Variants in BOC observed in about 807,000 individuals in gnomAD.
BOC encodes brother of CDO.
A neutral mutation model predicts 112.0 loss-of-function variants in BOC; 76 were observed. The observed-to-expected ratio is 0.68, with a 90% confidence interval of 0.56 to 0.82. The LOEUF (loss-of-function observed/expected upper bound fraction) is 0.82, where lower values mean the gene tolerates loss of function less well. Among genes scored for constraint, BOC ranks in the 40% least tolerant of loss-of-function variants. The pLI is 0.00. For missense variants in BOC, 1,309 were observed against 1,511.7 expected, an observed-to-expected ratio of 0.87 and a Z score of 2.22; for synonymous variants, 580 against 599.8, an observed-to-expected ratio of 0.97 and a Z score of 0.48.
At position 113,278,626 on chromosome 3, in the gene BOC, C is replaced by T. The variant is rs907241417; in HGVS notation, c.1706-47C>T. 2 of 1,475,936 alleles carry T rather than the reference C, an allele frequency of 1.4e-6. No homozygotes were observed. Among genetic ancestry groups the T allele is most frequent in the Admixed American group, 2.0e-5 (1 of 50,862 alleles). 91.4% of individuals were successfully genotyped at this position (1,475,936 alleles called of 1,614,324 possible). On this transcript the variant is annotated intron_variant, in intron 10 of 19. Transcript: ENST00000682979. This position sits in a 1 kb window ranked among gnomAD's most constrained non-coding sequence, Gnocchi z 4.2. Reference sequence around the variant, plus strand: ...AAAAAGGACTCTGTGGGAGGGAGATCTCATGCCTGCTTCCTCCCTTGCTGA... The same window carrying T: ...AAAAAGGACTCTGTGGGAGGGAGATTTCATGCCTGCTTCCTCCCTTGCTGA...
intron 2 of BOC, among the ~76,000 whole-genome samples, chr3:113,233,338 T>G (rs1942969502): frequency 6.6e-6 from 1 of 152,110 alleles, no homozygotes; most frequent in Non-Finnish European, 1.5e-5. Flanking sequence ...GGTATAAATG[T>G]GGGCCTAGGG....
intron 2 of BOC, among the ~76,000 whole-genome samples, chr3:113,233,279 C>G (rs973555851): frequency 6.6e-6 from 1 of 151,658 alleles, no homozygotes; most frequent in Non-Finnish European, 1.5e-5. Context: ...GCCTGATCCT[C>G]ATTCAGTCCG....
chr3:113,252,229 T>C (rs1945721424), intron 4 of BOC, among the ~76,000 whole-genome samples: 1 of 152,058 alleles, frequency 6.6e-6, no homozygotes, highest in African/African-American at 2.4e-5. Flanking sequence ...GTGTAGAAAA[T>C]AGGGAAACTT....
chr3:113,222,799 C>G (rs1049865367), intron 2 of BOC, among the ~76,000 whole-genome samples: 1 of 152,204 alleles, frequency 6.6e-6, no homozygotes, highest in Non-Finnish European at 1.5e-5. Flanking sequence ...TCCACTTTGC[C>G]GCCCTCCTCC....
chr3:113,234,510 C>T (rs1943150024), intron 2 of BOC, among the ~76,000 whole-genome samples: 1 of 152,148 alleles, frequency 6.6e-6, no homozygotes, highest in Admixed American at 6.5e-5. Context: ...TTCTTGAGGC[C>T]ATGCTACATT....
At position 113,270,853 on chromosome 3, in the gene BOC, G is replaced by A; in HGVS notation, c.576G>A (p.Gln192=). 7 of 1,614,134 alleles carry A rather than the reference G, an allele frequency of 4.3e-6. No homozygotes were observed. Among genetic ancestry groups the A allele is most frequent in the Non-Finnish European group, 5.9e-6 (7 of 1,180,000 alleles). Residue 192 remains glutamine (Q), a synonymous_variant, in exon 6 of 20, where the codon CAG becomes CAA. Coordinates refer to ENST00000682979, the MANE Select transcript of BOC (RefSeq NM_001378074.1). ...ACCTCCAGATTGTGAATGCCAGCCA[G>A]GAGGACGAGGGCATGTACAAGTGTG... ...SGNLQIVNAS[Q]EDEGMYKCAA...
chr3:113,228,658 A>G (rs1284867028), intron 2 of BOC, among the ~76,000 whole-genome samples: 1 of 152,058 alleles, frequency 6.6e-6, no homozygotes, highest in Non-Finnish European at 1.5e-5. Context: ...ATGTTGGGGG[A>G]GTGGGGTCCA....
intron 4 of BOC, among the ~76,000 whole-genome samples, chr3:113,254,966 TG>T (rs1264600983): frequency 6.6e-6 from 1 of 152,166 alleles, no homozygotes; most frequent in African/African-American, 2.4e-5. Flanking sequence ...TCAAATCAAC[TG>T]AAGAGTCTCA....
intron 2 of BOC, among the ~76,000 whole-genome samples, chr3:113,249,464 G>A (rs1945339724): frequency 1.3e-5 from 2 of 152,186 alleles, no homozygotes; most frequent in Admixed American, 1.3e-4. Flanking sequence ...CCATCCACTG[G>A]GCAAGACTCC....
intron 2 of BOC, among the ~76,000 whole-genome samples, chr3:113,221,883 C>G (rs1225879197): frequency 2.6e-5 from 4 of 152,178 alleles, no homozygotes; most frequent in Non-Finnish European, 4.4e-5. Context: ...CCCTTCCCCC[C>G]TTGCCTACTC....
At chr3:113,277,119 T>C (rs1948745566) in intron 9 of BOC, among the ~76,000 whole-genome samples, 1 of 152,146 alleles carries the variant, frequency 6.6e-6, no homozygotes, top group South Asian at 2.1e-4. Context: ...AGTTTTTAAG[T>C]TCTGAGCAAG....
At chr3:113,256,894 G>A (rs1369950402) in intron 4 of BOC, among the ~76,000 whole-genome samples, 1 of 152,150 alleles carries the variant, frequency 6.6e-6, no homozygotes, top group African/African-American at 2.4e-5. Flanking sequence ...TGCAGTCTTA[G>A]GGTAAAAGCA....
At chr3:113,226,897 C>T (rs1295913850) in intron 2 of BOC, among the ~76,000 whole-genome samples, 2 of 152,200 alleles carry the variant, frequency 1.3e-5, no homozygotes, top group African/African-American at 4.8e-5. Context: ...GGCCTGAAGA[C>T]ATTTGTAGCC....
chr3:113,264,533 C>T (rs938593273), intron 4 of BOC, among the ~76,000 whole-genome samples: 1 of 152,192 alleles, frequency 6.6e-6, no homozygotes, highest in African/African-American at 2.4e-5. Context: ...ACCAGCTTTG[C>T]AGACAAAGGG....
At chr3:113,224,693 C>T (rs1367495168) in intron 2 of BOC, among the ~76,000 whole-genome samples, 2 of 152,150 alleles carry the variant, frequency 1.3e-5, no homozygotes, top group South Asian at 2.1e-4. Context: ...GGCACAGTGG[C>T]TCATGCCTGT....
chr3:113,241,393 G>GC (rs774655957), intron 2 of BOC, among the ~76,000 whole-genome samples: 11 of 152,098 alleles, frequency 7.2e-5, no homozygotes, highest in Admixed American at 3.9e-4. Flanking sequence ...AGTGTTCCTG[G>GC]CCCTGTGTGG....
chr3:113,256,531 C>T (rs1013102075), intron 4 of BOC, among the ~76,000 whole-genome samples: 6 of 152,174 alleles, frequency 3.9e-5, no homozygotes, highest in African/African-American at 1.4e-4. Context: ...CCCTGGCCTT[C>T]AGCATGGTGA....
rs946393947 is a variant in BOC at position 113,280,609 on chromosome 3, T to C, written c.2257T>C (p.Tyr753His). 16 of 1,612,812 alleles carry C rather than the reference T, an allele frequency of 9.9e-6. No homozygotes were observed. Among genetic ancestry groups the C allele is most frequent in the Non-Finnish European group, 1.4e-5 (16 of 1,178,890 alleles). ...CCCAATCCATGGCTTTTATATCTAT[T>C]ATCGACCCACAGACAGTGACAATGA... The part of the protein sequence containing the change: ...NTPIHGFYIY[Y>H]RPTDSDNDSD... The change falls in exon 14 of 20, where the codon TAT (tyrosine) becomes CAT (histidine). Residue 753 changes from tyrosine (Y) to histidine (H), a missense_variant. Transcript: ENST00000682979.
upstream of BOC, chr3:113,210,929 C>T (rs1206273864): frequency 6.6e-6 from 1 of 152,606 alleles, no homozygotes; most frequent in African/African-American, 2.4e-5. Context: ...CCTCCCCATT[C>T]CTCCCTGGCT....
Sources: allele counts gnomAD v4.1 joint callset (sites outside exome capture counted in the v4.1 genomes callset), GRCh38; gene constraint gnomAD v4.1.1; non-coding constraint Gnocchi (gnomAD v3.1); transcripts MANE v1.5; gene names NCBI Gene and HGNC (gene_info 2026-07-23, HGNC 2026-07-21).